TAFA5: variants seen among roughly 807,000 people sequenced by gnomAD.
TAFA5 encodes the protein TAFA chemokine like family member 5.
Under a neutral mutation model 15.3 loss-of-function variants are expected in TAFA5, and 6 were observed. The ratio of observed to expected loss-of-function variants is 0.39; its 90% confidence interval spans 0.21 to 0.77. The LOEUF (loss-of-function observed/expected upper bound fraction) is 0.77, where lower values mean the gene tolerates loss of function less well. Ranked by LOEUF, TAFA5 falls within the 30% of genes least tolerant of loss-of-function variation. TAFA5 has a pLI of 0.41. For synonymous variants in TAFA5, 103 were observed against 80.7 expected (o/e 1.28, Z -1.48); for missense variants, 161 against 193.1 (o/e 0.83, Z 0.98).
At chr22:48,738,351 G>A (rs1175784658) in intron 3 of TAFA5, among the ~76,000 whole-genome samples, 1 of 152,158 alleles carries the variant, frequency 6.6e-6, no homozygotes, top group Non-Finnish European at 1.5e-5. Context: ...CCCACATGGG[G>A]GCCCCCAGGT....
intron 1 of TAFA5, among the ~76,000 whole-genome samples, chr22:48,518,842 T>A (rs949218280): frequency 6.6e-6 from 1 of 152,186 alleles, no homozygotes; most frequent in African/African-American, 2.4e-5. Flanking sequence ...TTTACACCCA[T>A]GTGGAAAAGG....
chr22:48,639,911 C>T (rs1195085555), intron 1 of TAFA5, among the ~76,000 whole-genome samples: 1 of 152,184 alleles, frequency 6.6e-6, no homozygotes, highest in African/African-American at 2.4e-5. Context: ...CTCTCCCCCT[C>T]ATCCACAGGC....
intron 1 of TAFA5, among the ~76,000 whole-genome samples, chr22:48,527,630 G>A (rs1921824779): frequency 1.3e-5 from 2 of 152,214 alleles, no homozygotes; most frequent in African/African-American, 4.8e-5. Flanking sequence ...GAAGGGAGGT[G>A]AGGTCCCACC....
chr22:48,542,638 A>ATTGTGTGTGG (rs1922488326), intron 1 of TAFA5, among the ~76,000 whole-genome samples: 1 of 84,880 alleles, frequency 1.2e-5, no homozygotes, highest in Non-Finnish European at 2.2e-5. Flanking sequence ...TGGGTGTGTG[A>ATTGTGTGTGG]TGTGTGTGTG....
chr22:48,526,930 A>G (rs1051156089), intron 1 of TAFA5, among the ~76,000 whole-genome samples: 1 of 152,210 alleles, frequency 6.6e-6, no homozygotes, highest in Non-Finnish European at 1.5e-5. Context: ...TTTCCTCTGA[A>G]AGGGGGAGGA....
intron 1 of TAFA5, among the ~76,000 whole-genome samples, chr22:48,589,464 A>G (rs1185284218): frequency 2.0e-5 from 3 of 151,002 alleles, no homozygotes; most frequent in Admixed American, 6.6e-5. Context: ...GTCCCCAAAG[A>G]GCCACCTGGA....
chr22:48,595,883 C>T (rs890924605), intron 1 of TAFA5, among the ~76,000 whole-genome samples: 1 of 152,232 alleles, frequency 6.6e-6, no homozygotes, highest in Non-Finnish European at 1.5e-5. Flanking sequence ...CAAGATTATG[C>T]AAAACAATCT....
chr22:48,506,331 T>G (rs929914061), intron 1 of TAFA5, among the ~76,000 whole-genome samples: 21 of 152,260 alleles, frequency 1.4e-4, no homozygotes, highest in Non-Finnish European at 2.9e-5. Context: ...GAACCCTTCC[T>G]GCAGCCTTGT....
In TAFA5 at chr22:48,733,677, A is replaced by G. The variant is rs145541759; in HGVS notation, c.391-16162A>G. Among the ~76,000 whole-genome samples, 417 of 152,206 alleles carry G rather than the reference A, an allele frequency of 2.7e-3. 8 individuals are homozygous for G. The highest frequency in any genetic ancestry group is 4.1e-4 in the Non-Finnish European group (28 of 68,012). On this transcript the variant is annotated intron_variant, in intron 3 of 3. Coordinates refer to ENST00000402357, the MANE Select transcript of TAFA5 (RefSeq NM_001082967.3). ...ATAGAAAGTTCTCTGCTTGTATCCAATGTTAAAGTTTTCACAGACCCAGTC... is the reference window on the plus strand; with the variant it reads ...ATAGAAAGTTCTCTGCTTGTATCCAGTGTTAAAGTTTTCACAGACCCAGTC...
intron 2 of TAFA5, among the ~76,000 whole-genome samples, chr22:48,699,339 C>A (rs182157321): frequency 3.7e-4 from 57 of 152,204 alleles, no homozygotes; most frequent in African/African-American, 1.3e-3. Context: ...CCTTACCAGG[C>A]GGTAAAACTG....
chr22:48,660,832 G>T (rs995080932), intron 2 of TAFA5, among the ~76,000 whole-genome samples: 17 of 152,188 alleles, frequency 1.1e-4, no homozygotes, highest in Non-Finnish European at 2.4e-4. Flanking sequence ...GGGTCAGGAG[G>T]TGAAGGGAGC....
intron 3 of TAFA5, among the ~76,000 whole-genome samples, chr22:48,717,813 G>A (rs1199935187): frequency 6.6e-6 from 1 of 152,238 alleles, no homozygotes; most frequent in Admixed American, 6.5e-5. Flanking sequence ...ATTGGTCAGG[G>A]CATAGGCAAG....
intron 1 of TAFA5, among the ~76,000 whole-genome samples, chr22:48,516,207 G>C (rs551978838): frequency 1.3e-5 from 2 of 152,300 alleles, no homozygotes; most frequent in African/African-American, 4.8e-5. Context: ...TGGAGGCGCC[G>C]AGACATTTTT....
At chr22:48,636,036 G>C (rs2147193550) in intron 1 of TAFA5, among the ~76,000 whole-genome samples, 1 of 152,338 alleles carries the variant, frequency 6.6e-6, no homozygotes, top group South Asian at 2.1e-4. Context: ...ACGTTTGCAG[G>C]TGCACAGGCA....
At chr22:48,600,025 C>T (rs1424906314) in intron 1 of TAFA5, among the ~76,000 whole-genome samples, 1 of 152,164 alleles carries the variant, frequency 6.6e-6, no homozygotes, top group Non-Finnish European at 1.5e-5. Flanking sequence ...TTTCCCTGGG[C>T]TGGGCTGGTC....
At chr22:48,562,624 G>A (rs371574746) in intron 1 of TAFA5, among the ~76,000 whole-genome samples, 4 of 152,104 alleles carry the variant, frequency 2.6e-5, no homozygotes, top group South Asian at 4.1e-4. Flanking sequence ...CCCGGGGCCC[G>A]GTCACAGCCT....
At chr22:48,618,894 C>T (rs1206065786) in intron 1 of TAFA5, among the ~76,000 whole-genome samples, 3 of 152,172 alleles carry the variant, frequency 2.0e-5, no homozygotes, top group Non-Finnish European at 4.4e-5. Context: ...CTCGCCTGCA[C>T]AGATTTTCAC....
intron 1 of TAFA5, among the ~76,000 whole-genome samples, chr22:48,601,345 G>A (rs1308571932): frequency 6.6e-6 from 1 of 151,558 alleles, no homozygotes; most frequent in African/African-American, 2.4e-5. Flanking sequence ...ATTTTTTTGA[G>A]ATGGAATTTT....
chr22:48,529,840 G>T lies in TAFA5; in HGVS notation c.112+40136G>T, dbSNP rs572054976. 5.9e-5 allele frequency among the ~76,000 whole-genome samples: 9 copies of T among 152,230 alleles called. No homozygotes were observed. The South Asian group carries it at 1.4e-3, about 25-fold the overall frequency. Reference sequence around the variant, plus strand: ...ATCCTCCCATGGGTGCTCTGGGAGTGGTTGTAGCCCTTGAGTCACAGCGAG... The same window carrying T: ...ATCCTCCCATGGGTGCTCTGGGAGTTGTTGTAGCCCTTGAGTCACAGCGAG... On this transcript the variant is annotated intron_variant, in intron 1 of 3. Transcript: ENST00000402357.
Sources: allele counts gnomAD v4.1 joint callset (sites outside exome capture counted in the v4.1 genomes callset), GRCh38; gene constraint gnomAD v4.1.1; transcripts MANE v1.5; gene names NCBI Gene and HGNC (gene_info 2026-07-23, HGNC 2026-07-21).